The following XKR9 variants were observed in gnomAD, a reference collection of about 807,000 sequenced individuals.
The protein encoded by XKR9 is XK related 9, also known as XK-related protein 9.
A neutral mutation model predicts 32.0 loss-of-function variants in XKR9; 32 were observed. The ratio of observed to expected loss-of-function variants is 1.00; its 90% CI spans 0.76 to 1.34. The LOEUF (loss-of-function observed/expected upper bound fraction) is 1.34, where lower values mean the gene tolerates loss of function less well. Ranked by LOEUF, XKR9 falls within the 40% of genes most tolerant of loss-of-function variation. The pLI is 0.00. For synonymous variants in XKR9, 168 were observed against 143.4 expected (o/e 1.17, Z -1.22); for missense variants, 546 against 429.7 (o/e 1.27, Z -2.39).
chr8:71,065,530 C>T, the XKR9 span, among the ~76,000 whole-genome samples: 1 of 152,226 alleles, frequency 6.6e-6, no homozygotes, highest in African/African-American at 2.4e-5. Flanking sequence ...TTTGTTACGG[C>T]AGCCCAAGCT....
chr8:70,974,127 T>A, the XKR9 span, among the ~76,000 whole-genome samples: 2 of 152,158 alleles, frequency 1.3e-5, no homozygotes, highest in African/African-American at 2.4e-5. Context: ...TAATTTTTTT[T>A]ATAAATTTGG....
At chr8:70,701,354 T>C (rs1047760039) in intron 3 of XKR9, among the ~76,000 whole-genome samples, 1 of 152,166 alleles carries the variant, frequency 6.6e-6, no homozygotes, top group Non-Finnish European at 1.5e-5. Context: ...TCCTGCCTTG[T>C]TTTTCTTTGT....
the XKR9 span, among the ~76,000 whole-genome samples, chr8:70,913,964 A>G: frequency 2.0e-5 from 3 of 152,316 alleles, no homozygotes; most frequent in South Asian, 6.2e-4. Flanking sequence ...TCCTTGTATC[A>G]ATATACCATA....
chr8:71,064,798 G>A, the XKR9 span, among the ~76,000 whole-genome samples: 1 of 152,082 alleles, frequency 6.6e-6, no homozygotes, highest in Non-Finnish European at 1.5e-5. Flanking sequence ...AGATAGCCAA[G>A]GGAAAGAATT....
At chr8:70,855,369 A>C in the XKR9 span, among the ~76,000 whole-genome samples, 1 of 152,180 alleles carries the variant, frequency 6.6e-6, no homozygotes, top group African/African-American at 2.4e-5. Flanking sequence ...ACTGGAAGAA[A>C]GGGTATCAGT....
At chr8:70,967,065 C>CTTTTTTTTTTTTTTTT in the XKR9 span, among the ~76,000 whole-genome samples, 2,777 of 100,852 alleles carry the variant, frequency 0.028, 402 homozygotes, top group Non-Finnish European at 0.035. Context: ...GATCTTGACT[C>CTTTTTTTTTTTTTTTT]TTTTTTTTTT....
chr8:70,889,861 A>G, the XKR9 span, among the ~76,000 whole-genome samples: 2 of 152,014 alleles, frequency 1.3e-5, no homozygotes, highest in Non-Finnish European at 2.9e-5. Context: ...TGCTATTGTG[A>G]ATAGTGCTGC....
At chr8:71,003,325 AC>A in the XKR9 span, among the ~76,000 whole-genome samples, 1 of 152,224 alleles carries the variant, frequency 6.6e-6, no homozygotes, top group Non-Finnish European at 1.5e-5. Flanking sequence ...TTATGAAATA[AC>A]GAGCAATTCT....
the XKR9 span, among the ~76,000 whole-genome samples, chr8:70,995,687 A>AT: frequency 2.2e-4 from 33 of 151,776 alleles, no homozygotes; most frequent in Middle Eastern, 3.4e-3. Flanking sequence ...GACAATTAAA[A>AT]TTTTTTTTTC....
chr8:70,734,478 GA>G lies in XKR9; in HGVS notation c.*58del. 6.9e-7 allele frequency: 1 copy of G among 1,439,442 alleles called. No individual in the cohort carries two copies. The highest frequency in any genetic ancestry group is 9.0e-7 in the Non-Finnish European group (1 of 1,105,914). 89.2% of individuals were successfully genotyped at this position (1,439,442 alleles called of 1,614,324 possible). A position where few individuals can be genotyped will look rare whatever the true frequency, so the allele number is the denominator to read the frequency against. On this transcript the variant is annotated 3_prime_UTR_variant, in exon 5 of 5. Transcript: ENST00000408926. ...ATATTTTGTTTCATTGGTTAGTAAA[GA>G]AAATGTGTGTTATGTGGGTGTGTTG...
the XKR9 span, among the ~76,000 whole-genome samples, chr8:71,047,006 C>A: frequency 6.6e-6 from 1 of 152,138 alleles, no homozygotes; most frequent in African/African-American, 2.4e-5. Flanking sequence ...ATGGGATTTA[C>A]CACAAATATG....
At chr8:71,032,097 C>G in the XKR9 span, among the ~76,000 whole-genome samples, 1 of 151,960 alleles carries the variant, frequency 6.6e-6, no homozygotes, top group Non-Finnish European at 1.5e-5. Flanking sequence ...AGTTCAAGAC[C>G]AGCCTGGCCA....
the XKR9 span, among the ~76,000 whole-genome samples, chr8:70,837,491 A>G: frequency 3.0e-4 from 45 of 152,222 alleles, no homozygotes; most frequent in African/African-American, 1.1e-3. Context: ...GACAGAGTAC[A>G]TGGAAACATT....
chr8:71,018,729 G>A, the XKR9 span, among the ~76,000 whole-genome samples: 2 of 152,166 alleles, frequency 1.3e-5, no homozygotes, highest in Non-Finnish European at 1.5e-5. Context: ...GAAAGTATTT[G>A]TTAGACAGTA....
intron 4 of XKR9, among the ~76,000 whole-genome samples, chr8:70,718,735 G>A (rs567844277): frequency 2.9e-4 from 44 of 152,228 alleles, no homozygotes; most frequent in Middle Eastern, 6.8e-3. Flanking sequence ...TGAGCATTTG[G>A]GTTGTTTCCA....
chr8:71,030,523 A>G, the XKR9 span, among the ~76,000 whole-genome samples: 17 of 152,338 alleles, frequency 1.1e-4, no homozygotes, highest in African/African-American at 4.1e-4. Context: ...GAAGTCTGAA[A>G]GAACAAAACT....
chr8:70,822,849 G>T, the XKR9 span, among the ~76,000 whole-genome samples: 1 of 152,008 alleles, frequency 6.6e-6, no homozygotes. Flanking sequence ...CATAGGTAAA[G>T]AATACAAGAC....
At chr8:70,900,093 ACT>A in the XKR9 span, among the ~76,000 whole-genome samples, 5 of 151,498 alleles carry the variant, frequency 3.3e-5, no homozygotes, top group South Asian at 2.1e-4. Flanking sequence ...TGGGAGTGAA[ACT>A]CTGTGTAAAA....
the XKR9 span, among the ~76,000 whole-genome samples, chr8:70,803,825 C>T: frequency 1.3e-5 from 2 of 152,164 alleles, no homozygotes; most frequent in Admixed American, 6.5e-5. Flanking sequence ...CAGGTCAGCC[C>T]TAATCTGGTG....
Sources: gnomAD v4.1 joint callset for allele counts (sites outside exome capture counted in the v4.1 genomes callset) on GRCh38, gnomAD v4.1.1 for gene constraint, MANE v1.5 for transcripts, NCBI Gene and HGNC (gene_info 2026-07-23, HGNC 2026-07-21) for gene names.